The following VPS13B variants were observed in gnomAD, a reference collection of about 807,000 sequenced individuals.
VPS13B encodes vacuolar protein sorting 13 homolog B.
A neutral mutation model predicts 426.4 loss-of-function variants in VPS13B; 285 were observed. The observed-to-expected ratio is 0.67, with a 90% CI of 0.61 to 0.74. VPS13B has a LOEUF of 0.74. VPS13B is among the 30% of genes least tolerant of loss of function. VPS13B has a pLI of 0.00. For missense variants in VPS13B, 4,537 were observed against 4,782.6 expected, an observed-to-expected ratio of 0.95 and a Z score of 1.51; for synonymous variants, 1,676 against 1,676.4, an observed-to-expected ratio of 1.00 and a Z score of 0.01.
chr8:99,544,099 G>A (rs4735618), intron 30 of VPS13B, among the ~76,000 whole-genome samples: 136,677 of 146,946 alleles, frequency 0.93, 63,682 homozygotes, highest in South Asian at 0.98. Flanking sequence ...TTAAGAAAAT[G>A]TGGCACATAT....
chr8:99,660,491 A>T (rs1297176507), intron 34 of VPS13B, among the ~76,000 whole-genome samples: 1 of 152,146 alleles, frequency 6.6e-6, no homozygotes, highest in African/African-American at 2.4e-5. Flanking sequence ...GGCCATTAAA[A>T]CACAGAGAGT....
chr8:99,120,604 A>T (rs1424765543), intron 7 of VPS13B: 1 of 152,286 alleles, frequency 6.6e-6, no homozygotes, highest in Non-Finnish European at 1.5e-5. Context: ...AAGAGGCCCC[A>T]ACATTATTAT....
intron 2 of VPS13B, among the ~76,000 whole-genome samples, chr8:99,020,795 G>A (rs1841846588): frequency 6.6e-6 from 1 of 152,168 alleles, no homozygotes; most frequent in Non-Finnish European, 1.5e-5. Context: ...ATTCCATTGA[G>A]TAATATGTCT....
intron 7 of VPS13B, among the ~76,000 whole-genome samples, chr8:99,119,866 A>G (rs933783475): frequency 4.6e-5 from 7 of 151,606 alleles, no homozygotes; most frequent in African/African-American, 1.7e-4. Flanking sequence ...TAATTTTTCC[A>G]TGGTGTTTTT....
intron 3 of VPS13B, among the ~76,000 whole-genome samples, chr8:99,072,478 C>A (rs1414124078): frequency 6.6e-6 from 1 of 152,122 alleles, no homozygotes; most frequent in Non-Finnish European, 1.5e-5. Flanking sequence ...TTTAGTTTTC[C>A]CTCTCCTCTC....
intron 16 of VPS13B, among the ~76,000 whole-genome samples, chr8:99,182,298 GA>G (rs1330901310): frequency 6.6e-6 from 1 of 152,088 alleles, no homozygotes; most frequent in Non-Finnish European, 1.5e-5. Flanking sequence ...ATCTGTAGTG[GA>G]AAAAAGTCTA....
intron 30 of VPS13B, among the ~76,000 whole-genome samples, chr8:99,542,083 G>T (rs939423279): frequency 2.6e-5 from 4 of 152,106 alleles, no homozygotes; most frequent in Non-Finnish European, 5.9e-5. Flanking sequence ...TAGATATGGG[G>T]TTTCACCGTG....
intron 19 of VPS13B, among the ~76,000 whole-genome samples, chr8:99,331,079 A>AT (rs1312374441): frequency 6.6e-6 from 1 of 151,726 alleles, no homozygotes; most frequent in East Asian, 1.9e-4. Flanking sequence ...ATTTCCTCTG[A>AT]TTTTTTAATA....
intron 33 of VPS13B, among the ~76,000 whole-genome samples, chr8:99,582,112 G>A (rs1826093184): frequency 6.6e-6 from 1 of 151,846 alleles, no homozygotes; most frequent in Admixed American, 6.6e-5. Context: ...TAACAGGACT[G>A]TGGTTGACAC....
chr8:99,358,423 A>G (rs1812308997), intron 19 of VPS13B, among the ~76,000 whole-genome samples: 1 of 152,178 alleles, frequency 6.6e-6, no homozygotes, highest in Non-Finnish European at 1.5e-5. Context: ...ATATTCATTG[A>G]GTGTAAATTA....
At chr8:99,299,864 C>T (rs570163843) in intron 19 of VPS13B, among the ~76,000 whole-genome samples, 2 of 152,198 alleles carry the variant, frequency 1.3e-5, no homozygotes, top group South Asian at 4.2e-4. Context: ...GAGCCGTGAT[C>T]GTGCCATTGC....
intron 8 of VPS13B, 112 bp downstream of exon 8, chr8:99,121,557 A>G: frequency 2.0e-6 from 3 of 1,533,258 alleles, no homozygotes; most frequent in Non-Finnish European, 2.6e-6. Context: ...TAGATGTGAG[A>G]TAGAGTCTAA....
chr8:99,311,296 T>G (rs1022839460), intron 19 of VPS13B, among the ~76,000 whole-genome samples: 13 of 152,376 alleles, frequency 8.5e-5, no homozygotes, highest in Non-Finnish European at 1.8e-4. Context: ...TGCTTTCTCT[T>G]GTGGGCATTT....
chr8:99,393,405 CATTA>C lies in VPS13B; in HGVS notation c.3082+1706_3082+1709del, dbSNP rs1440501770. On this transcript the variant is annotated intron_variant, in intron 21 of 61. Transcript: ENST00000357162. ...ATAAGCTGAAAACATAATTTCTCAT[CATTA>C]ATTACTTTATAAAATATGAAAACAT... Among the ~76,000 whole-genome samples the C allele has an allele frequency of 1.4e-4, 22 of 152,120 alleles. No homozygotes were observed. The South Asian group carries it at 4.6e-3, about 32-fold the overall frequency.
intron 19 of VPS13B, among the ~76,000 whole-genome samples, chr8:99,300,749 A>G: frequency 6.6e-6 from 1 of 152,136 alleles, no homozygotes; most frequent in Non-Finnish European, 1.5e-5. Context: ...AGCCTCAGCT[A>G]TATCATTTAT....
At chr8:99,738,564 G>C (rs1833936588) in intron 39 of VPS13B, among the ~76,000 whole-genome samples, 1 of 152,212 alleles carries the variant, frequency 6.6e-6, no homozygotes. Context: ...CAGAATGAAA[G>C]ATGGTCTTGA....
chr8:99,800,185 A>G (rs927474926), intron 43 of VPS13B, among the ~76,000 whole-genome samples: 2 of 152,192 alleles, frequency 1.3e-5, no homozygotes, highest in East Asian at 3.8e-4. Context: ...TTCAGATTTT[A>G]TAGACAGTCC....
At chr8:99,074,604 A>G (rs933261612) in intron 3 of VPS13B, among the ~76,000 whole-genome samples, 6 of 151,752 alleles carry the variant, frequency 4.0e-5, no homozygotes, top group Admixed American at 3.9e-4. Flanking sequence ...TTTTAAATCT[A>G]TGTTCATCAT....
At chr8:99,054,346 C>G (rs562523614) in intron 3 of VPS13B, among the ~76,000 whole-genome samples, 2 of 152,314 alleles carry the variant, frequency 1.3e-5, no homozygotes. Context: ...ATTTTCTGTT[C>G]TTTGGATAGT....
Sources: allele counts gnomAD v4.1 joint callset (sites outside exome capture counted in the v4.1 genomes callset), GRCh38; gene constraint gnomAD v4.1.1; transcripts MANE v1.5; gene names NCBI Gene and HGNC (gene_info 2026-07-23, HGNC 2026-07-21).